ZNF804B: variants seen among roughly 807,000 people sequenced by gnomAD.
ZNF804B encodes the protein zinc finger protein 804B, also known as zinc finger 804B.
In ZNF804B, 80 loss-of-function variants were observed where a neutral mutation model predicts 101.4. That is an observed-to-expected ratio of 0.79 (90% confidence interval 0.66 to 0.95). The LOEUF is 0.95. ZNF804B is among the 40% of genes least tolerant of loss of function. ZNF804B has a pLI of 0.00. For synonymous variants in ZNF804B, 622 were observed against 558.8 expected (o/e 1.11, Z -1.59); for missense variants, 1,673 against 1,561.9 (o/e 1.07, Z -1.20).
chr7:88,812,129 T>C (rs79778352), intron 1 of ZNF804B, among the ~76,000 whole-genome samples: 2,316 of 152,278 alleles, frequency 0.015, 55 homozygotes, highest in African/African-American at 0.05. Context: ...ACACAGCCAA[T>C]ATAGATTTCA....
chr7:88,991,001 TA>T (rs1466256048), intron 1 of ZNF804B, among the ~76,000 whole-genome samples: 5 of 152,168 alleles, frequency 3.3e-5, no homozygotes, highest in African/African-American at 4.8e-5. Context: ...ATCACAAAGT[TA>T]TTTTGCATCA....
At chr7:89,122,334 T>C (rs1463784641) in intron 1 of ZNF804B, among the ~76,000 whole-genome samples, 1 of 152,244 alleles carries the variant, frequency 6.6e-6, no homozygotes, top group Non-Finnish European at 1.5e-5. Context: ...ACCTCATAGA[T>C]ACAGAACATT....
chr7:89,023,264 C>T lies in ZNF804B; in HGVS notation c.109-194891C>T, dbSNP rs185849375. Among the ~76,000 whole-genome samples, 13 of 152,250 alleles carry T rather than the reference C, an allele frequency of 8.5e-5. No individual in the cohort carries two copies. In the East Asian group the frequency reaches 1.9e-3, roughly 23 times the overall value. ...TAGTGCTGACTTTTTCACCAGTGAA[C>T]TCAATTGGCTGTTTGTTCAAATTCC... On this transcript the variant is annotated intron_variant, in intron 1 of 3. Transcript: ENST00000333190.
intron 1 of ZNF804B, among the ~76,000 whole-genome samples, chr7:88,937,526 T>G (rs1345407923): frequency 1.3e-5 from 2 of 152,056 alleles, no homozygotes; most frequent in Non-Finnish European, 2.9e-5. Context: ...AATGAAAGTT[T>G]TGAAGTTATG....
chr7:88,870,379 C>T (rs867879155), intron 1 of ZNF804B, among the ~76,000 whole-genome samples: 14 of 75,614 alleles, frequency 1.9e-4, no homozygotes, highest in African/African-American at 5.0e-4. Flanking sequence ...AGCGAAACTC[C>T]GTCTCAAAAA....
chr7:89,156,625 C>CT (rs1013129633), intron 1 of ZNF804B, among the ~76,000 whole-genome samples: 25 of 149,922 alleles, frequency 1.7e-4, no homozygotes, highest in South Asian at 4.2e-4. Flanking sequence ...AAAGCATGAA[C>CT]TTTTTTTTTT....
At position 89,251,571 on chromosome 7, in the gene ZNF804B, T is replaced by G. The variant is rs577453089; in HGVS notation, c.249+33276T>G. ...TATTTCTATCAAGCTACCAATGTTATTTTTCACAGAGCTAGAAAAAAACTA... is the reference window on the plus strand; with the variant it reads ...TATTTCTATCAAGCTACCAATGTTAGTTTTCACAGAGCTAGAAAAAAACTA... On this transcript the variant is annotated intron_variant, in intron 2 of 3. Coordinates refer to ENST00000333190, the MANE Select transcript of ZNF804B (RefSeq NM_181646.5). 1.7e-3 allele frequency among the ~76,000 whole-genome samples: 258 copies of G among 152,286 alleles called. 1 individual carries two copies. The highest frequency in any genetic ancestry group is 2.9e-3 in the Non-Finnish European group (194 of 68,014).
chr7:89,279,675 AC>A (rs1790049730), intron 2 of ZNF804B, among the ~76,000 whole-genome samples: 1 of 152,126 alleles, frequency 6.6e-6, no homozygotes, highest in Non-Finnish European at 1.5e-5. Flanking sequence ...CATATGTTGA[AC>A]CAGCCTTGCA....
chr7:89,066,285 C>T (rs887520599), intron 1 of ZNF804B, among the ~76,000 whole-genome samples: 75 of 152,128 alleles, frequency 4.9e-4, no homozygotes, highest in African/African-American at 1.7e-3. Flanking sequence ...AGTCCTACTG[C>T]CTGTTATGCT....
intron 1 of ZNF804B, among the ~76,000 whole-genome samples, chr7:89,168,586 AC>A (rs1791176712): frequency 6.6e-6 from 1 of 151,790 alleles, no homozygotes; most frequent in African/African-American, 2.4e-5. Flanking sequence ...GTAAAAAGTA[AC>A]CCCTTAAAGC....
intron 2 of ZNF804B, among the ~76,000 whole-genome samples, chr7:89,259,994 A>G (rs113180309): frequency 0.011 from 1,710 of 151,804 alleles, 38 homozygotes; most frequent in African/African-American, 0.039. Context: ...AAAAAATAAA[A>G]AGAGAGAGAG....
chr7:88,876,874 A>G (rs557730460), intron 1 of ZNF804B, among the ~76,000 whole-genome samples: 2 of 150,712 alleles, frequency 1.3e-5, no homozygotes, highest in Non-Finnish European at 2.9e-5. Flanking sequence ...CTTAAAAAGT[A>G]TGTTGATTAA....
At chr7:88,922,626 T>TATATACAC (rs57940902) in intron 1 of ZNF804B, among the ~76,000 whole-genome samples, 5 of 84,008 alleles carry the variant, frequency 6.0e-5, no homozygotes, top group African/African-American at 2.1e-4. Flanking sequence ...TATATATATA[T>TATATACAC]ACACACACAC....
chr7:89,291,288 A>G (rs1461815386), intron 2 of ZNF804B, among the ~76,000 whole-genome samples: 2 of 139,418 alleles, frequency 1.4e-5, no homozygotes, highest in African/African-American at 5.2e-5. Flanking sequence ...CAAACTAAAT[A>G]AGACAGAAAC....
At chr7:89,017,042 G>A (rs1309629046) in intron 1 of ZNF804B, among the ~76,000 whole-genome samples, 1 of 152,018 alleles carries the variant, frequency 6.6e-6, no homozygotes, top group South Asian at 2.1e-4. Context: ...TCCTTGAAGA[G>A]GTCCTTCACA....
At chr7:89,322,460 T>C (rs986632464) in intron 2 of ZNF804B, among the ~76,000 whole-genome samples, 1 of 152,172 alleles carries the variant, frequency 6.6e-6, no homozygotes, top group African/African-American at 2.4e-5. Context: ...AATATTTAGA[T>C]GTTATTGAAA....
intron 1 of ZNF804B, among the ~76,000 whole-genome samples, chr7:88,798,609 T>A (rs938317516): frequency 2.0e-5 from 3 of 152,114 alleles, no homozygotes; most frequent in Admixed American, 6.6e-5. Context: ...AATTTTAGCT[T>A]CATTGTCACA....
intron 1 of ZNF804B, among the ~76,000 whole-genome samples, chr7:88,817,323 A>C (rs1309001819): frequency 6.6e-6 from 1 of 152,180 alleles, no homozygotes; most frequent in Non-Finnish European, 1.5e-5. Context: ...TGGCACATGT[A>C]TACATATGTA....
intron 2 of ZNF804B, among the ~76,000 whole-genome samples, chr7:89,281,563 A>T (rs1790094752): frequency 6.6e-6 from 1 of 152,220 alleles, no homozygotes; most frequent in Non-Finnish European, 1.5e-5. Context: ...TATGATGTTT[A>T]TAAGCCTAGA....
Sources: gnomAD v4.1 joint callset for allele counts (sites outside exome capture counted in the v4.1 genomes callset) on GRCh38, gnomAD v4.1.1 for gene constraint, MANE v1.5 for transcripts, NCBI Gene and HGNC (gene_info 2026-07-23, HGNC 2026-07-21) for gene names.